The following CACNA1D variants were observed in gnomAD, a reference collection of about 807,000 sequenced individuals.
CACNA1D encodes the protein calcium voltage-gated channel subunit alpha1 D, also known as voltage-dependent L-type calcium channel subunit alpha-1D.
Under a neutral mutation model 257.1 loss-of-function variants are expected in CACNA1D, and 55 were observed. The ratio of observed to expected loss-of-function variants is 0.21; its 90% CI spans 0.17 to 0.27. The LOEUF is 0.27. Ranked by LOEUF, CACNA1D falls within the 10% of genes least tolerant of loss-of-function variation. The probability of loss-of-function intolerance (pLI) is 1.00; values close to 1 mark genes in which losing one functional copy is unlikely to be tolerated. For missense variants in CACNA1D, 1,876 were observed against 2,784.0 expected (o/e 0.67, Z 7.34); for synonymous variants, 980 against 1,014.9 (o/e 0.97, Z 0.65).
rs2108283926 is a variant in CACNA1D, at chr3:53,652,578, A to G, written c.623+1660A>G. ...AAATGAATAATAACCAGGGCTCACAAAGGACTGGAAGGCATTCAAATTCTG... is the reference window on the plus strand; with the variant it reads ...AAATGAATAATAACCAGGGCTCACAGAGGACTGGAAGGCATTCAAATTCTG... On this transcript the variant is annotated intron_variant, in intron 4 of 47. Transcript: ENST00000350061. Among the ~76,000 whole-genome samples, 2 of 152,310 alleles carry G rather than the reference A, an allele frequency of 1.3e-5. 1 individual carries two copies. The highest frequency in any genetic ancestry group is 4.1e-4 in the South Asian group (2 of 4,826).
In CACNA1D at chr3:53,568,527, G is replaced by GC. The variant is rs555320211; in HGVS notation, c.483+66809dup. Among the ~76,000 whole-genome samples the GC allele has an allele frequency of 4.4e-4, 67 of 152,240 alleles. 3 individuals are homozygous for GC. In the South Asian group the frequency reaches 0.013, roughly 31 times the overall value. On this transcript the variant is annotated intron_variant, in intron 3 of 47. Transcript: ENST00000350061. ...TACTCTTCTGTCCACAGATACTGCT[G>GC]CCTCCCCTGTTAGCATGGGTGACCA... is the stretch of plus-strand genomic sequence containing the variant.
chr3:53,504,185 T>C (rs769888684), intron 3 of CACNA1D, among the ~76,000 whole-genome samples: 51 of 152,276 alleles, frequency 3.3e-4, no homozygotes, highest in Non-Finnish European at 6.2e-4. Context: ...TTAATGTGAA[T>C]GGTAAAATCA....
intron 8 of CACNA1D, among the ~76,000 whole-genome samples, chr3:53,693,987 G>A (rs986339750): frequency 6.6e-6 from 1 of 152,184 alleles, no homozygotes; most frequent in East Asian, 1.9e-4. Context: ...TTTATGGGAC[G>A]TTTAAGAAAT....
intron 38 of CACNA1D, among the ~76,000 whole-genome samples, chr3:53,780,561 G>T (rs190171247): frequency 1.3e-5 from 2 of 152,344 alleles, no homozygotes; most frequent in African/African-American, 4.8e-5. Context: ...AGGATGAAAT[G>T]AGGTGATGTC....
At chr3:53,589,755 A>T (rs1046663820) in intron 3 of CACNA1D, among the ~76,000 whole-genome samples, 1 of 152,150 alleles carries the variant, frequency 6.6e-6, no homozygotes, top group Admixed American at 6.5e-5. Flanking sequence ...GATTACAGGC[A>T]TGTGCCATTG....
intron 3 of CACNA1D, among the ~76,000 whole-genome samples, chr3:53,639,320 C>T (rs1041819982): frequency 1.3e-5 from 2 of 151,754 alleles, no homozygotes; most frequent in African/African-American, 4.8e-5. Flanking sequence ...GATAACTGTC[C>T]AGGCATGCAA....
At chr3:53,568,389 C>T (rs1413899623) in intron 3 of CACNA1D, among the ~76,000 whole-genome samples, 1 of 152,226 alleles carries the variant, frequency 6.6e-6, no homozygotes, top group East Asian at 1.9e-4. Flanking sequence ...CCGAAACCTC[C>T]AGCACCTTCC....
At chr3:53,575,750 C>T (rs1007344839) in intron 3 of CACNA1D, among the ~76,000 whole-genome samples, 6 of 152,168 alleles carry the variant, frequency 3.9e-5, no homozygotes, top group African/African-American at 7.2e-5. Context: ...TAGTCGTGTC[C>T]GTTTAAAAAA....
chr3:53,689,514 G>A (rs1215355951), intron 8 of CACNA1D, among the ~76,000 whole-genome samples: 1 of 152,098 alleles, frequency 6.6e-6, no homozygotes, highest in East Asian at 1.9e-4. Context: ...CTGCATGGAG[G>A]TGCAGAGGTG....
chr3:53,697,611 A>G lies in CACNA1D; in HGVS notation c.1221-5030A>G, dbSNP rs1045117670. ...ATATAGAACAACCCCAAGAATAGAA[A>G]TAGCACAGTGAATAATCCATGTACC... is the stretch of plus-strand genomic sequence containing the variant. On this transcript the variant is annotated intron_variant, in intron 8 of 47. Transcript: ENST00000350061. 3.3e-5 allele frequency among the ~76,000 whole-genome samples: 5 copies of G among 152,224 alleles called. No individual in the cohort carries two copies. The South Asian group carries it at 6.2e-4, about 19-fold the overall frequency.
In CACNA1D at chr3:53,751,208, C is replaced by A. The variant is rs2095222675; in HGVS notation, c.3517-541C>A. On this transcript the variant is annotated intron_variant, in intron 27 of 47. Coordinates refer to ENST00000350061, the MANE Select transcript of CACNA1D (RefSeq NM_001128840.3). This position sits in a 1 kb window ranked among gnomAD's most constrained non-coding sequence, Gnocchi z 4.3. Reference sequence around the variant, plus strand: ...ACACACTCTGGCTCCTGAAGGGTATCTCATGTGGTTCCAACTGGGAGCATC... The same window carrying A: ...ACACACTCTGGCTCCTGAAGGGTATATCATGTGGTTCCAACTGGGAGCATC... 6.6e-6 allele frequency among the ~76,000 whole-genome samples: 1 copy of A among 152,214 alleles called. No homozygotes were observed. Among genetic ancestry groups the A allele is most frequent in the Non-Finnish European group, 1.5e-5 (1 of 68,036 alleles).
chr3:53,674,122 C>T, intron 8 of CACNA1D: 1 of 494,072 alleles, frequency 2.0e-6, no homozygotes, highest in Non-Finnish European at 3.7e-6. Context: ...TTGGTCTCCC[C>T]CAGGAAAGAG....
At chr3:53,663,797 CT>C (rs764455553) in intron 5 of CACNA1D, among the ~76,000 whole-genome samples, 4 of 151,492 alleles carry the variant, frequency 2.6e-5, no homozygotes, top group African/African-American at 9.7e-5. Context: ...CTCTCTCTCT[CT>C]TTTTTTTGGA....
At chr3:53,735,551 C>T (rs763515468) in intron 20 of CACNA1D, 48 bp downstream of exon 20, 97 of 1,606,346 alleles carry the variant, frequency 6.0e-5, no homozygotes, top group Admixed American at 1.2e-4. Flanking sequence ...TGGCCTCTCT[C>T]GGGCAGAGGC....
chr3:53,782,612 C>T (rs1028271779), intron 39 of CACNA1D: 8 of 152,296 alleles, frequency 5.3e-5, no homozygotes, highest in East Asian at 1.9e-4. Flanking sequence ...GCTCTTGGGG[C>T]GCAGACAGAG....
chr3:53,810,370 A>G, intron 47 of CACNA1D, 72 bp downstream of exon 47: 1 of 1,482,872 alleles, frequency 6.7e-7, no homozygotes, highest in South Asian at 1.1e-5. Flanking sequence ...AACAGCAGGA[A>G]GGGCAGTGGT....
chr3:53,804,944 G>C, intron 44 of CACNA1D, 39 bp from the exon 45 acceptor site: 1 of 1,599,730 alleles, frequency 6.3e-7, no homozygotes, highest in Middle Eastern at 1.7e-4. Flanking sequence ...GACAGAGCTT[G>C]TTACCTAGAA....
chr3:53,625,994 G>T (rs1449650875), intron 3 of CACNA1D, among the ~76,000 whole-genome samples: 1 of 152,186 alleles, frequency 6.6e-6, no homozygotes, highest in African/African-American at 2.4e-5. Flanking sequence ...TGGGGATAAA[G>T]GAGAGTCTTA....
At chr3:53,720,676 A>G (rs1433947831) in intron 11 of CACNA1D, among the ~76,000 whole-genome samples, 1 of 152,252 alleles carries the variant, frequency 6.6e-6, no homozygotes, top group Non-Finnish European at 1.5e-5. Context: ...ACAAAAATGC[A>G]CATTAAAATC....
Sources: gnomAD v4.1 joint callset for allele counts (sites outside exome capture counted in the v4.1 genomes callset) on GRCh38, gnomAD v4.1.1 for gene constraint, Gnocchi (gnomAD v3.1) non-coding constraint, MANE v1.5 for transcripts, NCBI Gene and HGNC (gene_info 2026-07-23, HGNC 2026-07-21) for gene names.